The following ROCK1 variants were observed in gnomAD, a reference collection of about 807,000 sequenced individuals.
ROCK1 encodes Rho associated coiled-coil containing protein kinase 1, also known as rho-associated protein kinase 1.
A neutral mutation model predicts 196.8 loss-of-function variants in ROCK1; 36 were observed. That is an observed-to-expected ratio of 0.18 (90% CI 0.14 to 0.24). ROCK1 has a LOEUF of 0.24. ROCK1 is among the 10% of genes least tolerant of loss of function. The pLI, the probability that ROCK1 is intolerant of heterozygous loss-of-function variation, is 1.00. For synonymous variants in ROCK1, 443 were observed against 515.9 expected, an observed-to-expected ratio of 0.86 and a Z score of 1.91; for missense variants, 920 against 1,562.0, an observed-to-expected ratio of 0.59 and a Z score of 6.93.
intron 1 of ROCK1, among the ~76,000 whole-genome samples, chr18:21,079,970 T>C (rs2036469195): frequency 6.6e-6 from 1 of 152,194 alleles, no homozygotes; most frequent in Non-Finnish European, 1.5e-5. Context: ...TCCCAGTGCT[T>C]TAAAATACAC....
At chr18:20,963,931 T>G (rs1598509601) in intron 27 of ROCK1, among the ~76,000 whole-genome samples, 1 of 152,266 alleles carries the variant, frequency 6.6e-6, no homozygotes, top group East Asian at 1.9e-4. Flanking sequence ...GAGTAACATT[T>G]TTTAAATAAA....
At chr18:21,047,898 A>G (rs1206882655) in intron 4 of ROCK1, among the ~76,000 whole-genome samples, 3 of 152,306 alleles carry the variant, frequency 2.0e-5, no homozygotes, top group Admixed American at 6.5e-5. Context: ...TTCATTATAT[A>G]TTATAAATAA....
At chr18:21,055,769 T>C (rs2036240950) in intron 2 of ROCK1, among the ~76,000 whole-genome samples, 1 of 152,154 alleles carries the variant, frequency 6.6e-6, no homozygotes, top group Non-Finnish European at 1.5e-5. Context: ...ATTACTCAAC[T>C]CCCCACTGCA....
rs1052520279 is a variant in ROCK1 at position 20,948,832 on chromosome 18, T to C, written c.*2552A>G. ...TGCTAAATGCCAGCAAGCAGGGTCATGGAAGTGCCTTTTCTGAGGCAGTGT... is the reference window on the plus strand; with the variant it reads ...TGCTAAATGCCAGCAAGCAGGGTCACGGAAGTGCCTTTTCTGAGGCAGTGT... On this transcript the variant is annotated 3_prime_UTR_variant, in exon 33 of 33. Transcript: ENST00000399799. 2 of 152,062 alleles carry C rather than the reference T, an allele frequency of 1.3e-5. No individual in the cohort carries two copies. Among genetic ancestry groups the C allele is most frequent in the Non-Finnish European group, 2.9e-5 (2 of 68,034 alleles). The allele number at this position is 152,062 out of a possible 1,614,324, so 9.4% of individuals were successfully genotyped here.
intron 1 of ROCK1, among the ~76,000 whole-genome samples, chr18:21,073,112 A>AGAAAATAT (rs376305958): frequency 1.2e-3 from 175 of 142,366 alleles, no homozygotes; most frequent in African/African-American, 4.3e-3. Flanking sequence ...AAAGTGGAGG[A>AGAAAATAT]GAAAATATGT....
chr18:21,094,092 T>A (rs2036593298), intron 1 of ROCK1, among the ~76,000 whole-genome samples: 3 of 152,196 alleles, frequency 2.0e-5, no homozygotes, highest in African/African-American at 7.2e-5. Context: ...AGCTGTTAGA[T>A]ATAAAGTTCC....
chr18:21,074,286 T>TA (rs1294545969), intron 1 of ROCK1, among the ~76,000 whole-genome samples: 1 of 152,230 alleles, frequency 6.6e-6, no homozygotes, highest in Non-Finnish European at 1.5e-5. Context: ...TAAATACAGT[T>TA]AAAATCTGTT....
chr18:21,091,831 G>A (rs1407245502), intron 1 of ROCK1, among the ~76,000 whole-genome samples: 23 of 151,982 alleles, frequency 1.5e-4, no homozygotes, highest in East Asian at 7.8e-4. Flanking sequence ...TTAGCCCAGC[G>A]TGGTGTCGTA....
intron 19 of ROCK1, among the ~76,000 whole-genome samples, chr18:20,985,835 T>G (rs1313205397): frequency 6.6e-6 from 1 of 152,162 alleles, no homozygotes; most frequent in Non-Finnish European, 1.5e-5. Context: ...TAAAAGTGCT[T>G]TCACCTATAG....
chr18:21,069,152 A>G (rs2036362578), intron 2 of ROCK1, among the ~76,000 whole-genome samples: 1 of 152,130 alleles, frequency 6.6e-6, no homozygotes, highest in Non-Finnish European at 1.5e-5. Context: ...GTTTGCAGAC[A>G]GATATTTTAA....
rs569319817 is a variant in ROCK1, at chr18:21,098,183, A to T, written c.93+12635T>A. Among the ~76,000 whole-genome samples, 4 of 152,320 alleles carry T rather than the reference A, an allele frequency of 2.6e-5. No homozygotes were observed. The South Asian group carries it at 8.3e-4, about 32-fold the overall frequency. On this transcript the variant is annotated intron_variant, in intron 1 of 32. Coordinates refer to ENST00000399799, the MANE Select transcript of ROCK1 (RefSeq NM_005406.3). ...ACTAGACATTTTAAAAGCTGAAGAG[A>T]TATTAGAAAGCCTTTATAATTGACA...
chr18:21,037,050 G>A (rs1479543603), intron 9 of ROCK1, among the ~76,000 whole-genome samples: 2 of 152,078 alleles, frequency 1.3e-5, no homozygotes, highest in Non-Finnish European at 2.9e-5. Context: ...GGAGTTAAGA[G>A]ACTTAGATCT....
chr18:21,056,630 C>T (rs2036247194), intron 2 of ROCK1, among the ~76,000 whole-genome samples: 1 of 152,178 alleles, frequency 6.6e-6, no homozygotes, highest in African/African-American at 2.4e-5. Flanking sequence ...GTTCTTAAAA[C>T]ACAAGTCAGA....
chr18:21,066,911 C>T (rs1296457823), intron 2 of ROCK1, among the ~76,000 whole-genome samples: 1 of 152,170 alleles, frequency 6.6e-6, no homozygotes, highest in East Asian at 1.9e-4. Context: ...TTTGTGCAGA[C>T]ATATGCTTTC....
At chr18:21,039,825 A>T (rs1337702667) in intron 8 of ROCK1, among the ~76,000 whole-genome samples, 1 of 152,150 alleles carries the variant, frequency 6.6e-6, no homozygotes, top group Non-Finnish European at 1.5e-5. Context: ...TGGGAGGCTC[A>T]GGTGGGGTGG....
At chr18:21,072,090 A>G (rs2036390349) in intron 1 of ROCK1, among the ~76,000 whole-genome samples, 1 of 152,228 alleles carries the variant, frequency 6.6e-6, no homozygotes, top group Non-Finnish European at 1.5e-5. Context: ...ATCTTAGGTC[A>G]TGATGTTAAA....
chr18:20,953,200 A>G (rs1450538057), intron 32 of ROCK1: 8 of 178,670 alleles, frequency 4.5e-5, no homozygotes, highest in Non-Finnish European at 8.2e-5. Flanking sequence ...CAAAAAAGGG[A>G]AAAACAATTT....
intron 24 of ROCK1, 32 bp downstream of exon 24, chr18:20,969,083 T>C: frequency 7.3e-7 from 1 of 1,365,878 alleles, no homozygotes; most frequent in South Asian, 1.2e-5. Flanking sequence ...GAATTTGATT[T>C]AACATGATGA....
intron 19 of ROCK1, among the ~76,000 whole-genome samples, chr18:20,985,272 C>A (rs769666633): frequency 3.9e-5 from 6 of 152,188 alleles, no homozygotes; most frequent in Non-Finnish European, 5.9e-5. Context: ...CCAATGAACT[C>A]AAAATTCATA....
Sources: gnomAD v4.1 joint callset for allele counts (sites outside exome capture counted in the v4.1 genomes callset) on GRCh38, gnomAD v4.1.1 for gene constraint, MANE v1.5 for transcripts, NCBI Gene and HGNC (gene_info 2026-07-23, HGNC 2026-07-21) for gene names.